The following IFT74 variants were observed in gnomAD, a reference collection of about 807,000 sequenced individuals.
IFT74 encodes intraflagellar transport protein 74 homolog.
In IFT74, 92 loss-of-function variants were observed where a neutral mutation model predicts 96.7. The ratio of observed to expected loss-of-function variants is 0.95; its 90% CI spans 0.80 to 1.13. IFT74 has a LOEUF of 1.13. Ranked by LOEUF, IFT74 falls within the 50% of genes most tolerant of loss-of-function variation. IFT74 has a pLI of 0.00. For synonymous variants in IFT74, 223 were observed against 213.2 expected, an observed-to-expected ratio of 1.05 and a Z score of -0.40; for missense variants, 811 against 698.2, an observed-to-expected ratio of 1.16 and a Z score of -1.82.
At chr9:27,008,235 C>G (rs1215968622) in intron 8 of IFT74, among the ~76,000 whole-genome samples, 1 of 152,166 alleles carries the variant, frequency 6.6e-6, no homozygotes. Context: ...GCAGGCCTCT[C>G]TACTCCCTAG....
Position 26,965,009 on chromosome 9 carries a change from A to G in IFT74, c.120+2922A>G, listed in dbSNP as rs551516267. 1.6e-3 allele frequency among the ~76,000 whole-genome samples: 250 copies of G among 152,314 alleles called. 2 individuals are homozygous for G. The highest frequency in any genetic ancestry group is 5.9e-3 in the African/African-American group (244 of 41,578). ...TAATTATTACATTTTCGTTATCATT[A>G]TAATGTAAAAATTGGGAAACAACCT... On this transcript the variant is annotated intron_variant, in intron 2 of 19. Transcript: ENST00000380062.
At chr9:26,993,643 C>G (rs1827990574) in intron 8 of IFT74, 1 of 152,192 alleles carries the variant, frequency 6.6e-6, no homozygotes, top group African/African-American at 2.4e-5. Flanking sequence ...TTGTCAAGTA[C>G]ATACAAATTT....
chr9:26,947,121 G>A, exon 1 of IFT74: 3 of 1,393,502 alleles, frequency 2.2e-6, no homozygotes, highest in Non-Finnish European at 2.8e-6. Flanking sequence ...GAGAGCGCCG[G>A]GCCGCGGCGG....
intron 19 of IFT74, 89 bp downstream of exon 19, chr9:27,060,740 C>CCT: frequency 8.3e-6 from 7 of 847,466 alleles, no homozygotes; most frequent in Non-Finnish European, 1.3e-5. Context: ...AGGTGGGCCA[C>CCT]AAGGTCAGGA....
chr9:27,009,478 C>T lies in IFT74; in HGVS notation c.726+320C>T, dbSNP rs149285729. On this transcript the variant is annotated intron_variant, in intron 9 of 19. Coordinates refer to ENST00000380062, the MANE Select transcript of IFT74 (RefSeq NM_025103.4). ...AAAAATACTTGTCTATAAATATTTG[C>T]ATTTATAAAAGTACTTTTCTATAAA... 2.1e-4 allele frequency among the ~76,000 whole-genome samples: 32 copies of T among 152,148 alleles called. No homozygotes were observed. In the East Asian group the frequency reaches 6.0e-3, roughly 28 times the overall value.
At chr9:26,978,988 G>A (rs12339063) in intron 3 of IFT74, among the ~76,000 whole-genome samples, 9,394 of 151,996 alleles carry the variant, frequency 0.062, 337 homozygotes, top group South Asian at 0.13. Context: ...TTTATCATAG[G>A]CAGTGGTCAG....
intron 14 of IFT74, among the ~76,000 whole-genome samples, chr9:27,045,399 G>T (rs1266258498): frequency 6.6e-6 from 1 of 152,124 alleles, no homozygotes; most frequent in African/African-American, 2.4e-5. Context: ...ATCATTTATT[G>T]ATTGAATGTT....
At chr9:27,037,571 C>T (rs1255918205) in intron 13 of IFT74, among the ~76,000 whole-genome samples, 2 of 152,132 alleles carry the variant, frequency 1.3e-5, no homozygotes, top group African/African-American at 2.4e-5. Context: ...TTGAAAGAAA[C>T]TTGTTATAGA....
upstream of IFT74, among the ~76,000 whole-genome samples, chr9:26,953,426 AT>A (rs540826892): frequency 4.9e-3 from 741 of 152,332 alleles, 2 homozygotes; most frequent in Admixed American, 8.5e-3. Flanking sequence ...AGCATATGTC[AT>A]TTATATGTAT....
chr9:26,992,887 T>C (rs1397403478), intron 8 of IFT74, among the ~76,000 whole-genome samples: 2 of 152,194 alleles, frequency 1.3e-5, no homozygotes, highest in Non-Finnish European at 2.9e-5. Flanking sequence ...TTTCATTCTC[T>C]TCTCTTTCAA....
intron 2 of IFT74, among the ~76,000 whole-genome samples, chr9:26,972,334 A>G (rs1230997339): frequency 6.6e-6 from 1 of 152,022 alleles, no homozygotes; most frequent in Non-Finnish European, 1.5e-5. Flanking sequence ...TTAACTTTTT[A>G]CTTTCTTCAA....
chr9:26,948,324 A>G (rs953805497), intron 1 of IFT74, among the ~76,000 whole-genome samples: 1 of 152,138 alleles, frequency 6.6e-6, no homozygotes, highest in South Asian at 2.1e-4. Context: ...AATTATTTCA[A>G]CATTTCTCTG....
At chr9:26,992,219 A>G (rs1827918204) in intron 8 of IFT74, among the ~76,000 whole-genome samples, 1 of 152,202 alleles carries the variant, frequency 6.6e-6, no homozygotes, top group Non-Finnish European at 1.5e-5. Context: ...TTCAAGAATA[A>G]AAGTTAAAGA....
At chr9:27,042,582 G>A (rs1380167531) in intron 13 of IFT74, among the ~76,000 whole-genome samples, 2 of 152,116 alleles carry the variant, frequency 1.3e-5, no homozygotes, top group African/African-American at 4.8e-5. Flanking sequence ...CAGTGTCTTG[G>A]GGTTTAAAAG....
intron 10 of IFT74, among the ~76,000 whole-genome samples, chr9:27,013,066 A>G (rs904497429): frequency 1.3e-5 from 2 of 152,134 alleles, no homozygotes; most frequent in African/African-American, 4.8e-5. Context: ...CTGGAAAGAC[A>G]TTTATCAAGT....
intron 4 of IFT74, chr9:26,982,401 C>T (rs1443942762): frequency 6.9e-6 from 3 of 433,816 alleles, no homozygotes; most frequent in South Asian, 4.9e-5. Flanking sequence ...CTGTAATCTG[C>T]AAGTAGCTGG....
At position 26,984,341 on chromosome 9, in the gene IFT74, G is replaced by C. The variant is rs1349513191; in HGVS notation, c.390G>C (p.Leu130Phe). ...EMYNQENSVY[L>F]SYEKRAETLA... ...ACAATCAAGAGAATTCAGTATATTT[G>C]TCATATGAAAAGAGGTGAGTAATAA... Residue 130 changes from leucine to phenylalanine, a missense_variant, in exon 5 of 20, where the codon TTG becomes TTC. Physicochemically the swap from Leu to Phe is conservative, Grantham distance 22. Transcript: ENST00000380062. The C allele has an allele frequency of 3.2e-6, 5 of 1,584,916 alleles. No homozygotes were observed. The highest frequency in any genetic ancestry group is 4.3e-6 in the Non-Finnish European group (5 of 1,164,394).
chr9:26,955,319 G>A (rs765403134), upstream of IFT74, among the ~76,000 whole-genome samples: 8 of 152,114 alleles, frequency 5.3e-5, no homozygotes, highest in Non-Finnish European at 1.2e-4. Flanking sequence ...TTGCAGTCTC[G>A]GAAACGATGT....
intron 1 of IFT74, chr9:26,947,236 C>T (rs1364154723): frequency 3.3e-6 from 2 of 598,386 alleles, no homozygotes; most frequent in African/African-American, 3.9e-5. Context: ...AGTGACACAG[C>T]AAGCCTGACA....
Sources: gnomAD v4.1 joint callset for allele counts (sites outside exome capture counted in the v4.1 genomes callset) on GRCh38, gnomAD v4.1.1 for gene constraint, MANE v1.5 for transcripts, NCBI Gene and HGNC (gene_info 2026-07-23, HGNC 2026-07-21) for gene names.